TTL: variants seen among roughly 807,000 people sequenced by gnomAD.
TTL encodes tubulin tyrosine ligase, also known as tubulin--tyrosine ligase.
TTL carries 10 observed loss-of-function variants against 41.1 expected under a neutral mutation model. That is an observed-to-expected ratio of 0.24 (90% CI 0.15 to 0.41). The LOEUF (loss-of-function observed/expected upper bound fraction) is 0.41. Among genes scored for constraint, TTL ranks in the 10% least tolerant of loss-of-function variants. The probability of loss-of-function intolerance (pLI) is 1.00; values close to 1 mark genes in which losing one functional copy is unlikely to be tolerated. For synonymous variants in TTL, 175 were observed against 175.5 expected (o/e 1.00, Z 0.02); for missense variants, 367 against 460.4 (o/e 0.80, Z 1.86).
Position 112,510,540 on chromosome 2 carries a change from C to T in TTL, c.875+7359C>T, listed in dbSNP as rs1349056544. 3.3e-5 allele frequency among the ~76,000 whole-genome samples: 5 copies of T among 151,618 alleles called. No homozygotes were observed. The East Asian group carries it at 9.8e-4, about 30-fold the overall frequency. ...AGGCTGGAGTGCAATGGCACGATCT[C>T]GGCTCACTGCAACCTCCATCTCCTG... On this transcript the variant is annotated intron_variant, in intron 5 of 6. Coordinates refer to ENST00000233336, the MANE Select transcript of TTL (RefSeq NM_153712.5).
rs1195983453 is a variant in TTL at position 112,494,132 on chromosome 2, T to C, written c.237-11T>C. 1 of 1,609,742 alleles carries C rather than the reference T, an allele frequency of 6.2e-7. No individual in the cohort carries two copies. Among genetic ancestry groups the C allele is most frequent in the South Asian group, 1.1e-5 (1 of 90,832 alleles). On this transcript the variant is annotated splice_polypyrimidine_tract_variant and intron_variant, in intron 2 of 6. Transcript: ENST00000233336. ...AAGAAGGGAGGCTGATCCTCTTCTG[T>C]CATCTGCCAGGCTAATCAAGACAAG...
chr2:112,496,299 T>C (rs1403983825), intron 3 of TTL, among the ~76,000 whole-genome samples: 3 of 152,208 alleles, frequency 2.0e-5, no homozygotes, highest in Non-Finnish European at 4.4e-5. Context: ...TGAAGAGATA[T>C]ATATTTGATA....
chr2:112,516,001 C>T (rs1682060359), intron 5 of TTL, among the ~76,000 whole-genome samples: 1 of 146,704 alleles, frequency 6.8e-6, no homozygotes, highest in African/African-American at 2.6e-5. Context: ...TAAATAAATG[C>T]CCTGCCAAAG....
intron 5 of TTL, among the ~76,000 whole-genome samples, chr2:112,518,733 G>A (rs1037995486): frequency 2.0e-5 from 3 of 148,510 alleles, no homozygotes; most frequent in Non-Finnish European, 4.5e-5. Context: ...GGAGTGAAGT[G>A]GCACAGTCTT....
intron 5 of TTL, among the ~76,000 whole-genome samples, chr2:112,503,808 T>TC (rs1681766690): frequency 1.1e-5 from 1 of 93,722 alleles, no homozygotes. Flanking sequence ...TAAACTTCTT[T>TC]TTTTTTTTTT....
At position 112,541,438 on chromosome 2, in the gene TTL, C is replaced by T. The variant is rs1558649518; in HGVS notation, c.*12643C>T. ...GCAAGGCGAGAGGATCACTAGAGGC[C>T]GGAAGTTCAAGACCAGCCTGTGCAA... On this transcript the variant is annotated 3_prime_UTR_variant, in exon 7 of 7. Transcript: ENST00000233336. The T allele has an allele frequency of 6.6e-6, 1 of 152,092 alleles. No individual in the cohort carries two copies. Among genetic ancestry groups the T allele is most frequent in the East Asian group, 1.9e-4 (1 of 5,178 alleles). The allele number at this position is 152,092 out of a possible 1,614,324, so 9.4% of individuals were successfully genotyped here. A position where few individuals can be genotyped will look rare whatever the true frequency, so the allele number is the denominator to read the frequency against.
intron 3 of TTL, among the ~76,000 whole-genome samples, chr2:112,496,053 C>T (rs186733128): frequency 1.1e-3 from 171 of 152,274 alleles, no homozygotes; most frequent in Non-Finnish European, 2.2e-3. Context: ...TCTCTCTCCC[C>T]TCTTGTGACC....
At chr2:112,484,573 G>T (rs1213546404) in intron 1 of TTL, among the ~76,000 whole-genome samples, 4 of 151,914 alleles carry the variant, frequency 2.6e-5, no homozygotes, top group Admixed American at 6.6e-5. Context: ...CCAACATTTG[G>T]TTTTTATGGG....
In TTL at chr2:112,540,874, A is replaced by G. The variant is rs554384358; in HGVS notation, c.*12079A>G. 1 of 152,366 alleles carries G rather than the reference A, an allele frequency of 6.6e-6. No individual in the cohort carries two copies. The highest frequency in any genetic ancestry group is 2.1e-4 in the South Asian group (1 of 4,826). 9.4% of individuals were successfully genotyped at this position (152,366 alleles called of 1,614,324 possible). A position where few individuals can be genotyped will look rare whatever the true frequency, so the allele number is the denominator to read the frequency against. Reference sequence around the variant, plus strand: ...ACTTAAATGTAAGAGTTGAAACTACAAAACTCTTAGTAGAAAATATAGGTG... The same window carrying G: ...ACTTAAATGTAAGAGTTGAAACTACGAAACTCTTAGTAGAAAATATAGGTG... On this transcript the variant is annotated 3_prime_UTR_variant, in exon 7 of 7. Transcript: ENST00000233336.
In TTL at chr2:112,532,048, C is replaced by G. The variant is rs1292499186; in HGVS notation, c.*3253C>G. The G allele has an allele frequency of 4.4e-6, 1 of 228,260 alleles. No homozygotes were observed. The highest frequency in any genetic ancestry group is 8.7e-6 in the Non-Finnish European group (1 of 115,106). 14.1% of individuals were successfully genotyped at this position (228,260 alleles called of 1,614,324 possible). ...GAGCAGGTGCTGACATAGGTACCAGCTGACATGATGTGTCACTAGCTCTGT... is the reference window on the plus strand; with the variant it reads ...GAGCAGGTGCTGACATAGGTACCAGGTGACATGATGTGTCACTAGCTCTGT... On this transcript the variant is annotated 3_prime_UTR_variant, in exon 7 of 7. Coordinates refer to ENST00000233336, the MANE Select transcript of TTL (RefSeq NM_153712.5).
Position 112,502,971 on chromosome 2 carries a change from G to A in TTL, c.665G>A (p.Arg222Gln), listed in dbSNP as rs1357251044. 12 of 1,613,864 alleles carry A rather than the reference G, an allele frequency of 7.4e-6. No individual in the cohort carries two copies. Among genetic ancestry groups the A allele is most frequent in the Non-Finnish European group, 1.0e-5 (12 of 1,179,954 alleles). ...TACCTCTATAGAGAGGGTGTGCTTC[G>A]GACTGCTTCAGAACCATATCATGTT... ...NIYLYREGVL[R>Q]TASEPYHVDN... The change falls in exon 5 of 7, where the codon CGG becomes CAG. Residue 222 changes from arginine to glutamine, a missense_variant. Coordinates refer to ENST00000233336, the MANE Select transcript of TTL (RefSeq NM_153712.5).
chr2:112,525,257 T>C (rs1275357999), intron 6 of TTL, among the ~76,000 whole-genome samples: 67 of 150,340 alleles, frequency 4.5e-4, no homozygotes, highest in Admixed American at 8.0e-4. Context: ...TGGCTTAGGA[T>C]TGTCTTGGCA....
At chr2:112,528,550 A>G in intron 6 of TTL, 131 bp from the exon 7 acceptor site, 1 of 703,270 alleles carries the variant, frequency 1.4e-6, no homozygotes, top group African/African-American at 1.8e-5. Flanking sequence ...CAGTGTATGT[A>G]CCATGATCGC....
chr2:112,498,197 C>G (rs573951596), intron 3 of TTL, among the ~76,000 whole-genome samples: 1 of 152,154 alleles, frequency 6.6e-6, no homozygotes, highest in Admixed American at 6.5e-5. Flanking sequence ...GTGGCAGTCA[C>G]CTGTAATCCC....
At chr2:112,519,826 A>G (rs1305055108) in intron 5 of TTL, among the ~76,000 whole-genome samples, 1 of 152,096 alleles carries the variant, frequency 6.6e-6, no homozygotes, top group Non-Finnish European at 1.5e-5. Flanking sequence ...ACCTAATGGT[A>G]ATAAGTTGAA....
rs181681916 is a variant in TTL at position 112,491,768 on chromosome 2, A to G, written c.237-2375A>G. Among the ~76,000 whole-genome samples the G allele has an allele frequency of 4.1e-3, 629 of 152,292 alleles. 2 individuals carry two copies. Among genetic ancestry groups the G allele is most frequent in the African/African-American group, 0.015 (606 of 41,556 alleles). ...ATCAAGTTTATTATGTATTTGCTAA[A>G]AATGTCTCCTTTACACAACCGTTTT... On this transcript the variant is annotated intron_variant, in intron 2 of 6. Transcript: ENST00000233336.
In TTL at chr2:112,536,055, T is replaced by C. The variant is rs1378105796; in HGVS notation, c.*7260T>C. ...TTCACTTCACATAACGATCTTCAGT[T>C]CCATCCATGTTGTTGGAAGTGACAG... On this transcript the variant is annotated 3_prime_UTR_variant, in exon 7 of 7. Coordinates refer to ENST00000233336, the MANE Select transcript of TTL (RefSeq NM_153712.5). 2 of 152,162 alleles carry C rather than the reference T, an allele frequency of 1.3e-5. No homozygotes were observed. The highest frequency in any genetic ancestry group is 4.8e-5 in the African/African-American group (2 of 41,434). The allele number at this position is 152,162 out of a possible 1,614,324, so 9.4% of individuals were successfully genotyped here.
At chr2:112,502,324 A>G (rs930567951) in intron 4 of TTL, among the ~76,000 whole-genome samples, 20 of 152,138 alleles carry the variant, frequency 1.3e-4, no homozygotes, top group Non-Finnish European at 2.2e-4. Flanking sequence ...TGGAGGTTTC[A>G]TAGGTTAACC....
Position 112,538,452 on chromosome 2 carries a change from A to C in TTL, c.*9657A>C, listed in dbSNP as rs1372116876. 6.6e-6 allele frequency: 1 copy of C among 152,244 alleles called. No individual in the cohort carries two copies. Among genetic ancestry groups the C allele is most frequent in the African/African-American group, 2.4e-5 (1 of 41,466 alleles). 9.4% of individuals were successfully genotyped at this position (152,244 alleles called of 1,614,324 possible). ...ACTAAGTGGGACTTATCCTAAGATT[A>C]CAAAGTTTGGAATAACTCATGTTCT... is the stretch of plus-strand genomic sequence containing the variant. On this transcript the variant is annotated 3_prime_UTR_variant, in exon 7 of 7. Coordinates refer to ENST00000233336, the MANE Select transcript of TTL (RefSeq NM_153712.5).
Sources: allele counts gnomAD v4.1 joint callset (sites outside exome capture counted in the v4.1 genomes callset), GRCh38; gene constraint gnomAD v4.1.1; transcripts MANE v1.5; gene names NCBI Gene and HGNC (gene_info 2026-07-23, HGNC 2026-07-21).